Variants in PALS2 observed in about 807,000 individuals in gnomAD.
PALS2 encodes the protein protein PALS2.
A neutral mutation model predicts 61.6 loss-of-function variants in PALS2; 27 were observed. The observed-to-expected ratio is 0.44, with a 90% confidence interval of 0.32 to 0.60. The LOEUF (loss-of-function observed/expected upper bound fraction) is 0.60, where lower values mean the gene tolerates loss of function less well. Among genes scored for constraint, PALS2 ranks in the 20% least tolerant of loss-of-function variants. PALS2 has a pLI of 0.05. For missense variants in PALS2, 554 were observed against 639.4 expected (o/e 0.87, Z 1.44); for synonymous variants, 236 against 218.6 (o/e 1.08, Z -0.70).
rs561448099 is a variant in PALS2, at chr7:24,618,565, C to T, written c.-2-5101C>T. 2.0e-5 allele frequency among the ~76,000 whole-genome samples: 3 copies of T among 152,330 alleles called. No homozygotes were observed. The East Asian group carries it at 5.8e-4, about 29-fold the overall frequency. On this transcript the variant is annotated intron_variant, in intron 1 of 11. Coordinates refer to ENST00000222644, the MANE Select transcript of PALS2 (RefSeq NM_001303037.2). This position sits in a 1 kb window ranked among gnomAD's most constrained non-coding sequence, Gnocchi z 5.1. Reference sequence around the variant, plus strand: ...ATACAGCTGTGTGAATTCACAGCAGCTCCCCAAACTGGGCTCAGGGCTTGC... The same window carrying T: ...ATACAGCTGTGTGAATTCACAGCAGTTCCCCAAACTGGGCTCAGGGCTTGC...
At chr7:24,684,291 C>A (rs979007469) in intron 11 of PALS2, among the ~76,000 whole-genome samples, 13 of 151,970 alleles carry the variant, frequency 8.6e-5, no homozygotes, top group Admixed American at 8.5e-4. Context: ...GTAGAGATGG[C>A]GTTTCACCAT....
chr7:24,665,359 T>C (rs1484450059), intron 6 of PALS2, among the ~76,000 whole-genome samples: 1 of 152,160 alleles, frequency 6.6e-6, no homozygotes, highest in African/African-American at 2.4e-5. Flanking sequence ...TGTATTTTGG[T>C]CCCCACATTT....
chr7:24,581,241 CCA>C (rs1306927994), intron 1 of PALS2, among the ~76,000 whole-genome samples: 8 of 131,544 alleles, frequency 6.1e-5, no homozygotes, highest in African/African-American at 9.1e-5. Context: ...TTTCATTTCC[CCA>C]CGTGTGTGTG....
At chr7:24,685,086 A>G (rs929710211) in intron 11 of PALS2, among the ~76,000 whole-genome samples, 2 of 151,904 alleles carry the variant, frequency 1.3e-5, no homozygotes, top group South Asian at 2.1e-4. Context: ...TCCATTAGCT[A>G]TTCTTCCTGA....
At chr7:24,657,900 G>A (rs78351732) in intron 5 of PALS2, among the ~76,000 whole-genome samples, 10,526 of 152,220 alleles carry the variant, frequency 0.069, 447 homozygotes, top group African/African-American at 0.11. Flanking sequence ...GAAAGGATCA[G>A]AGTTTATATT....
intron 2 of PALS2, among the ~76,000 whole-genome samples, chr7:24,635,480 G>A (rs1253449211): frequency 6.6e-6 from 1 of 152,032 alleles, no homozygotes; most frequent in Non-Finnish European, 1.5e-5. Context: ...CTAAATACAA[G>A]GTCATGTCAT....
rs117316753 is a variant in PALS2, at chr7:24,665,174, A to G, written c.784-414A>G. Reference sequence around the variant, plus strand: ...AAAATCTACACTTTATATTCCACATAGTATCTCCTTTTCATTTGGTTTGGC... The same window carrying G: ...AAAATCTACACTTTATATTCCACATGGTATCTCCTTTTCATTTGGTTTGGC... On this transcript the variant is annotated intron_variant, in intron 6 of 11. Coordinates refer to ENST00000222644, the MANE Select transcript of PALS2 (RefSeq NM_001303037.2). Among the ~76,000 whole-genome samples the G allele has an allele frequency of 8.5e-5, 13 of 152,302 alleles. 1 individual carries two copies. The East Asian group carries it at 2.5e-3, about 29-fold the overall frequency.
intron 1 of PALS2, among the ~76,000 whole-genome samples, chr7:24,614,631 A>G (rs1411389488): frequency 2.6e-5 from 4 of 151,964 alleles, no homozygotes; most frequent in Admixed American, 1.3e-4. Context: ...CCCTGATACA[A>G]TAATAGTTGG....
At position 24,665,581 on chromosome 7, in the gene PALS2, A is replaced by G; in HGVS notation, c.784-7A>G. ...CTGAGATGTACAATTCATTAATTTG[A>G]TTCTAGGCTAGCCATGTAAAAGAGG... is the stretch of plus-strand genomic sequence containing the variant. On this transcript the variant is annotated splice_polypyrimidine_tract_variant and splice_region_variant and intron_variant, in intron 6 of 11. Coordinates refer to ENST00000222644, the MANE Select transcript of PALS2 (RefSeq NM_001303037.2). The G allele has an allele frequency of 6.2e-7, 1 of 1,613,102 alleles. No individual in the cohort carries two copies. Among genetic ancestry groups the G allele is most frequent in the African/African-American group, 1.3e-5 (1 of 75,000 alleles).
chr7:24,623,790 T>C lies in PALS2; in HGVS notation c.117+6T>C, dbSNP rs750193866. On this transcript the variant is annotated splice_donor_region_variant and intron_variant, in intron 2 of 11. Transcript: ENST00000222644. ...TTGTAAAATCACTTGCTAAGGTATA[T>C]AGATTTATTCATAAGATTACTGAAT... 4.0e-6 allele frequency: 6 copies of C among 1,494,426 alleles called. No homozygotes were observed. The highest frequency in any genetic ancestry group is 1.4e-5 in the African/African-American group (1 of 71,020). 92.6% of individuals were successfully genotyped at this position (1,494,426 alleles called of 1,614,324 possible). A position where few individuals can be genotyped will look rare whatever the true frequency, so the allele number is the denominator to read the frequency against.
chr7:24,634,010 A>G (rs755274385), intron 2 of PALS2, among the ~76,000 whole-genome samples: 6 of 152,062 alleles, frequency 3.9e-5, no homozygotes, highest in Non-Finnish European at 7.4e-5. Flanking sequence ...CTTATTGACC[A>G]TTTGTACATA....
chr7:24,595,403 TA>T (rs1400899706), intron 1 of PALS2, among the ~76,000 whole-genome samples: 2 of 140,984 alleles, frequency 1.4e-5, no homozygotes, highest in Non-Finnish European at 3.0e-5. Context: ...TATATATATA[TA>T]AAAAATATAT....
intron 1 of PALS2, among the ~76,000 whole-genome samples, chr7:24,595,860 C>A (rs1237607555): frequency 6.6e-6 from 1 of 151,350 alleles, no homozygotes; most frequent in Non-Finnish European, 1.5e-5. Context: ...GTGTGTGGAT[C>A]TCTGGGAAGA....
chr7:24,691,385 A>ATGTGTGTGTG lies in PALS2; in HGVS notation c.*3774_*3775insGTGTGTGTGT, dbSNP rs1306601413. Reference sequence around the variant, plus strand: ...TTAAATGTTCGAGTTGCCATATATTATGTATGTGTGTGTGTGTGTGTATAT... The same window carrying ATGTGTGTGTG: ...TTAAATGTTCGAGTTGCCATATATTATGTGTGTGTGTGTATGTGTGTGTGTGTGTGTATAT... On this transcript the variant is annotated 3_prime_UTR_variant, in exon 12 of 12. Transcript: ENST00000222644. 8 of 57,004 alleles carry ATGTGTGTGTG rather than the reference A, an allele frequency of 1.4e-4. No homozygotes were observed. Among genetic ancestry groups the ATGTGTGTGTG allele is most frequent in the African/African-American group, 7.6e-4 (7 of 9,166 alleles). The allele number at this position is 57,004 out of a possible 1,614,324, so 3.5% of individuals were successfully genotyped here.
intron 1 of PALS2, among the ~76,000 whole-genome samples, chr7:24,611,614 A>T (rs1289165064): frequency 6.6e-6 from 1 of 152,026 alleles, no homozygotes; most frequent in East Asian, 1.9e-4. Context: ...AAAAAATTTA[A>T]TTATATAGGT....
chr7:24,613,738 C>T (rs1209006612), intron 1 of PALS2, among the ~76,000 whole-genome samples: 2 of 151,752 alleles, frequency 1.3e-5, no homozygotes, highest in Non-Finnish European at 3.0e-5. Flanking sequence ...CTTCCTACCC[C>T]TTCTTTCCCC....
intron 9 of PALS2, chr7:24,674,281 G>A (rs1787451377): frequency 6.5e-6 from 1 of 153,058 alleles, no homozygotes; most frequent in African/African-American, 2.4e-5. Context: ...CCATTAGTTG[G>A]GGAAAGCAAG....
chr7:24,637,895 C>T (rs947184496), intron 2 of PALS2, among the ~76,000 whole-genome samples: 6 of 152,214 alleles, frequency 3.9e-5, no homozygotes, highest in Non-Finnish European at 8.8e-5. Context: ...GTTCTTCCAA[C>T]CACTTGTGGC....
chr7:24,625,373 TTTG>T lies in PALS2; in HGVS notation c.117+1590_117+1592del, dbSNP rs577861744. 4.5e-4 allele frequency among the ~76,000 whole-genome samples: 69 copies of T among 152,344 alleles called. 1 individual carries two copies. In the South Asian group the frequency reaches 0.014, roughly 30 times the overall value. On this transcript the variant is annotated intron_variant, in intron 2 of 11. Transcript: ENST00000222644. Reference sequence around the variant, plus strand: ...ATAATGCACTAACAAATGTTTATAGTTTGCAAAGGTCTTTAAAATACACTGTTT... The same window carrying T: ...ATAATGCACTAACAAATGTTTATAGTCAAAGGTCTTTAAAATACACTGTTT...
Sources: allele counts gnomAD v4.1 joint callset (sites outside exome capture counted in the v4.1 genomes callset), GRCh38; gene constraint gnomAD v4.1.1; non-coding constraint Gnocchi (gnomAD v3.1); transcripts MANE v1.5; gene names NCBI Gene and HGNC (gene_info 2026-07-23, HGNC 2026-07-21).